The following C8orf76 variants were observed in gnomAD, a reference collection of about 807,000 sequenced individuals.
The protein encoded by C8orf76 is chromosome 8 open reading frame 76.
In C8orf76, 46 loss-of-function variants were observed where a neutral mutation model predicts 38.1. The observed-to-expected ratio is 1.21, with a 90% confidence interval of 0.95 to 1.54. C8orf76 has a LOEUF of 1.54. Ranked by LOEUF, C8orf76 falls within the 40% of genes most tolerant of loss-of-function variation. The pLI is 0.00. For missense variants in C8orf76, 461 were observed against 441.6 expected, an observed-to-expected ratio of 1.04 and a Z score of -0.39; for synonymous variants, 166 against 167.5, an observed-to-expected ratio of 0.99 and a Z score of 0.07.
chr8:123,224,024 AT>A (rs1365548856), intron 5 of C8orf76, among the ~76,000 whole-genome samples: 1 of 152,034 alleles, frequency 6.6e-6, no homozygotes, highest in Non-Finnish European at 1.5e-5. Context: ...TTTGGAAATA[AT>A]GGTCATGGCG....
chr8:123,222,289 CTTA>C (rs992595120), intron 5 of C8orf76, among the ~76,000 whole-genome samples: 2 of 152,210 alleles, frequency 1.3e-5, no homozygotes, highest in Non-Finnish European at 2.9e-5. Context: ...CGGCAGGCAT[CTTA>C]TTTTTCTTTT....
chr8:123,224,082 C>A (rs938723265), intron 5 of C8orf76, among the ~76,000 whole-genome samples: 8 of 151,680 alleles, frequency 5.3e-5, no homozygotes, highest in Non-Finnish European at 1.5e-5. Context: ...GTACATTTAA[C>A]AATGATTAAG....
At chr8:123,238,321 G>A (rs1031079937) in intron 2 of C8orf76, among the ~76,000 whole-genome samples, 6 of 152,094 alleles carry the variant, frequency 3.9e-5, no homozygotes, top group African/African-American at 9.7e-5. Context: ...CATGTAAGAC[G>A]TGACTTTGCT....
At chr8:123,236,851 G>C (rs1825505557) in intron 3 of C8orf76, 1 of 745,960 alleles carries the variant, frequency 1.3e-6, no homozygotes, top group Non-Finnish European at 2.4e-6. Context: ...CAGATGCAGA[G>C]ATGCAGATCT....
intron 4 of C8orf76, 66 bp from the exon 5 acceptor site, chr8:123,226,698 C>T: frequency 2.6e-6 from 4 of 1,515,470 alleles, no homozygotes; most frequent in South Asian, 1.3e-5. Context: ...AGGAAAGCCG[C>T]GAGGAAATGT....
At chr8:123,226,364 G>C in intron 5 of C8orf76, 136 bp downstream of exon 5, 10 of 1,495,688 alleles carry the variant, frequency 6.7e-6, no homozygotes, top group South Asian at 2.6e-5. Flanking sequence ...ATTGCTGAGT[G>C]ATCAAAAGGC....
rs372569313 is a variant in C8orf76 at position 123,228,165 on chromosome 8, C to T, written c.816-1533G>A. 8.5e-5 allele frequency among the ~76,000 whole-genome samples: 13 copies of T among 152,308 alleles called. No individual in the cohort carries two copies. In the South Asian group the frequency reaches 2.7e-3, roughly 32 times the overall value. ...CCTTCCCACACACTCCGCTGGTCAC[C>T]AAGTCCTGTCTATTCTATCGTGCAG... On this transcript the variant is annotated intron_variant, in intron 4 of 5. Transcript: ENST00000276704.
intron 4 of C8orf76, among the ~76,000 whole-genome samples, chr8:123,227,267 T>G (rs1377293209): frequency 6.6e-6 from 1 of 152,136 alleles, no homozygotes; most frequent in African/African-American, 2.4e-5. Flanking sequence ...TTTTTTTTTT[T>G]TTTTTTAATA....
chr8:123,236,563 C>G (rs980713577), intron 3 of C8orf76, among the ~76,000 whole-genome samples: 2 of 151,998 alleles, frequency 1.3e-5, no homozygotes, highest in African/African-American at 4.8e-5. Context: ...CCGAGGCGGG[C>G]GGATCACAAG....
intron 3 of C8orf76, 91 bp downstream of exon 3, chr8:123,237,707 A>G: frequency 6.9e-7 from 1 of 1,445,758 alleles, no homozygotes; most frequent in South Asian, 1.7e-5. Context: ...AGATTTTGCT[A>G]CTAGCAAGAA....
intron 4 of C8orf76, among the ~76,000 whole-genome samples, chr8:123,228,507 T>A (rs1825127441): frequency 6.6e-6 from 1 of 151,934 alleles, no homozygotes; most frequent in African/African-American, 2.4e-5. Flanking sequence ...TAATCCCAGC[T>A]ACTCGGGAGG....
chr8:123,227,296 T>C (rs1784040251), intron 4 of C8orf76, among the ~76,000 whole-genome samples: 1 of 151,712 alleles, frequency 6.6e-6, no homozygotes, highest in Non-Finnish European at 1.5e-5. Context: ...ATATGCAGAT[T>C]TTCCCCTTTT....
chr8:123,230,022 A>AT (rs1563799063), intron 4 of C8orf76, among the ~76,000 whole-genome samples: 3 of 152,062 alleles, frequency 2.0e-5, no homozygotes. Context: ...CTCAAAAAAA[A>AT]AATAATAATA....
rs1277564060 is a variant in C8orf76, at chr8:123,241,275, C to T, written c.72G>A (p.Arg24=). The T allele has an allele frequency of 4.4e-6, 7 of 1,585,020 alleles. No homozygotes were observed. Among genetic ancestry groups the T allele is most frequent in the Non-Finnish European group, 6.0e-6 (7 of 1,169,804 alleles). The change falls in exon 1 of 6, where the codon CGG becomes CGA. Residue 24 remains arginine, a synonymous_variant. Coordinates refer to ENST00000276704, the MANE Select transcript of C8orf76 (RefSeq NM_032847.3). ...DSVFEERPER[R]SGPPASYCAK... ...CGCAGTAGGACGCGGGCGGTCCTGA[C>T]CGCCGCTCCGGCCTCTCCTCGAACA... is the stretch of plus-strand genomic sequence containing the variant.
intron 4 of C8orf76, among the ~76,000 whole-genome samples, chr8:123,229,840 A>G (rs908962358): frequency 6.6e-6 from 1 of 152,134 alleles, no homozygotes; most frequent in Non-Finnish European, 1.5e-5. Context: ...AACATGGTGA[A>G]ACCCTGTCTC....
intron 3 of C8orf76, 32 bp from the exon 4 acceptor site, chr8:123,231,789 A>G (rs1224678318): frequency 6.5e-7 from 1 of 1,529,066 alleles, no homozygotes; most frequent in East Asian, 2.3e-5. Context: ...TAAGAAGTTT[A>G]AACTTCAAAG....
chr8:123,231,269 C>T, intron 4 of C8orf76, 31 bp downstream of exon 4: 1 of 1,573,190 alleles, frequency 6.4e-7, no homozygotes, highest in Non-Finnish European at 8.6e-7. Flanking sequence ...GAGCTGATTA[C>T]CAAGCGTTGC....
At chr8:123,231,176 A>C in intron 4 of C8orf76, 124 bp downstream of exon 4, 1 of 1,226,242 alleles carries the variant, frequency 8.2e-7, no homozygotes, top group East Asian at 2.6e-5. Flanking sequence ...CAACACAACC[A>C]TAGGAAAATT....
chr8:123,239,295 T>C (rs1825599589), intron 1 of C8orf76, 151 bp from the exon 2 acceptor site: 8 of 739,774 alleles, frequency 1.1e-5, no homozygotes, highest in Admixed American at 2.8e-5. Context: ...TGAGCACAAG[T>C]GATCCTGCCT....
Sources: gnomAD v4.1 joint callset for allele counts (sites outside exome capture counted in the v4.1 genomes callset) on GRCh38, gnomAD v4.1.1 for gene constraint, MANE v1.5 for transcripts, NCBI Gene and HGNC (gene_info 2026-07-23, HGNC 2026-07-21) for gene names.